SLC12A9: variants seen among roughly 807,000 people sequenced by gnomAD.
SLC12A9 encodes the protein CCC-interacting protein 1.
In SLC12A9, 55 loss-of-function variants were observed where a neutral mutation model predicts 66.0. The ratio of observed to expected loss-of-function variants is 0.83; its 90% CI spans 0.67 to 1.04. SLC12A9 has a LOEUF of 1.04. Ranked by LOEUF, SLC12A9 falls within the 50% of genes least tolerant of loss-of-function variation. SLC12A9 has a pLI of 0.00. For synonymous variants in SLC12A9, 577 were observed against 569.0 expected (o/e 1.01, Z -0.20); for missense variants, 1,061 against 1,241.9 (o/e 0.85, Z 2.19).
rs549419150 is a variant in SLC12A9, at chr7:100,826,962, C to G, written n.143C>G. On this transcript the variant is annotated non_coding_transcript_exon_variant, in exon 1 of 2. Coordinates refer to the SLC12A9 transcript ENST00000461016. ...CCAGGAGTGACGGGGTGCGCCCCCC[C>G]CCGCAAGGAAACTCACCTTCCAAAG... 380 of 1,527,348 alleles carry G rather than the reference C, an allele frequency of 2.5e-4. 2 individuals carry two copies. Among genetic ancestry groups the G allele is most frequent in the Middle Eastern group, 3.4e-4 (2 of 5,842 alleles). 94.6% of individuals were successfully genotyped at this position (1,527,348 alleles called of 1,614,324 possible).
chr7:100,829,801 G>T (rs1251324787), intron 1 of SLC12A9, among the ~76,000 whole-genome samples: 1 of 152,158 alleles, frequency 6.6e-6, no homozygotes, highest in Non-Finnish European at 1.5e-5. Flanking sequence ...GGCCGAGGCG[G>T]GTGGATCACT....
intron 1 of SLC12A9, among the ~76,000 whole-genome samples, chr7:100,834,551 G>A (rs887566219): frequency 2.6e-5 from 4 of 152,076 alleles, no homozygotes; most frequent in African/African-American, 9.7e-5. Flanking sequence ...GTGTGTGTTG[G>A]GGGGGATGGT....
In SLC12A9 at chr7:100,866,036, G is replaced by T; in HGVS notation, c.2176G>T (p.Val726Leu). ...GGTSQLHHVD[V>L]WPLNLLRPRG... ...CACCTCTCAGCTGCACCATGTGGAC[G>T]TGTGGCCCCTCAACCTGCTGCGGCC... Residue 726 changes from valine (V) to leucine (L), a missense_variant, in exon 14 of 14, where the codon GTG becomes TTG. Transcript: ENST00000354161. This position sits in a 1 kb window ranked among gnomAD's most constrained non-coding sequence, Gnocchi z 7.3. 1 of 1,612,800 alleles carries T rather than the reference G, an allele frequency of 6.2e-7. No individual in the cohort carries two copies. The highest frequency in any genetic ancestry group is 8.5e-7 in the Non-Finnish European group (1 of 1,179,856).
At chr7:100,856,512 C>CT (rs1407563643) in intron 4 of SLC12A9, 8 of 99,824 alleles carry the variant, frequency 8.0e-5, no homozygotes, top group African/African-American at 2.3e-4. Context: ...CCTGCCCCTT[C>CT]TTCTTTTTTT....
chr7:100,841,745 A>G (rs1403765662), intron 1 of SLC12A9, among the ~76,000 whole-genome samples: 1 of 152,196 alleles, frequency 6.6e-6, no homozygotes, highest in Non-Finnish European at 1.5e-5. Context: ...CTTATCTGGT[A>G]TGAAAATCAT....
intron 1 of SLC12A9, among the ~76,000 whole-genome samples, chr7:100,841,092 TA>T (rs1251193977): frequency 1.3e-5 from 2 of 152,118 alleles, no homozygotes; most frequent in African/African-American, 2.4e-5. Context: ...TTTTTTTCCT[TA>T]GGGGGTGGAA....
chr7:100,863,341 C>T (rs1450446978), intron 13 of SLC12A9, among the ~76,000 whole-genome samples: 5 of 151,922 alleles, frequency 3.3e-5, no homozygotes, highest in Admixed American at 2.0e-4. Context: ...GCTGGGATTA[C>T]AGGCATGTAC....
At chr7:100,858,786 C>T (rs1304490768) in intron 5 of SLC12A9, 49 bp from the exon 6 acceptor site, 2 of 1,587,732 alleles carry the variant, frequency 1.3e-6, no homozygotes, top group Non-Finnish European at 8.6e-7. Context: ...AGGCCTGGAT[C>T]CCTGAGACGG....
At chr7:100,848,714 G>A (rs1308977995), upstream of SLC12A9, among the ~76,000 whole-genome samples, 12 of 151,576 alleles carry the variant, frequency 7.9e-5, no homozygotes, top group Non-Finnish European at 1.6e-4. Flanking sequence ...GTGAAACCCC[G>A]TCTCCACTAA....
intron 13 of SLC12A9, among the ~76,000 whole-genome samples, chr7:100,863,041 T>A (rs954747806): frequency 6.6e-5 from 10 of 151,464 alleles, no homozygotes; most frequent in Non-Finnish European, 1.2e-4. Context: ...TGGGCGATGT[T>A]GTGGGTTTTT....
chr7:100,861,819 A>AC lies in SLC12A9; in HGVS notation c.1624dup (p.Arg542ProfsTer14). On this transcript the variant is annotated frameshift_variant, in exon 12 of 14. Coordinates refer to ENST00000354161, the MANE Select transcript of SLC12A9 (RefSeq NM_020246.4). LOFTEE classifies it high-confidence loss of function. This position sits in a 1 kb window ranked among gnomAD's most constrained non-coding sequence, Gnocchi z 5.3. The stretch of plus-strand genomic sequence containing the variant: ...CCCCAGCTGCTGCTCCTGGTGGGGA[A>AC]CCCCCGGGGCGCCCTGCCTCTGCTG... The AC allele has an allele frequency of 6.2e-7, 1 of 1,613,028 alleles. No individual in the cohort carries two copies. Among genetic ancestry groups the AC allele is most frequent in the Non-Finnish European group, 8.5e-7 (1 of 1,179,748 alleles).
chr7:100,854,912 C>A (rs1358188176), intron 3 of SLC12A9, among the ~76,000 whole-genome samples, 158 bp downstream of exon 3: 1 of 151,964 alleles, frequency 6.6e-6, no homozygotes, highest in Non-Finnish European at 1.5e-5. Context: ...ATCTGTAATC[C>A]CAGCACTTTG....
Position 100,861,533 on chromosome 7 carries a change from A to G in SLC12A9, c.1485A>G (p.Arg495=). 6.2e-7 allele frequency: 1 copy of G among 1,613,648 alleles called. No individual in the cohort carries two copies. The highest frequency in any genetic ancestry group is 8.5e-7 in the Non-Finnish European group (1 of 1,179,990). Residue 495 remains arginine, a synonymous_variant, in exon 11 of 14, where the codon CGA becomes CGG. Transcript: ENST00000354161. This position sits in a 1 kb window ranked among gnomAD's most constrained non-coding sequence, Gnocchi z 5.3. The part of the protein sequence containing the change: ...MGLLAALLTA[R]GGPSSWGYVS... ...TGCTGGCTGCCCTGCTCACCGCGCGAGGAGGCCCCAGTAGCTGGGGCTATG... is the reference window on the plus strand; with the variant it reads ...TGCTGGCTGCCCTGCTCACCGCGCGGGGAGGCCCCAGTAGCTGGGGCTATG...
intron 5 of SLC12A9, chr7:100,858,623 T>G (rs1251734016): frequency 1.8e-5 from 9 of 509,402 alleles, no homozygotes; most frequent in East Asian, 3.4e-5. Flanking sequence ...AGAGCGTGGA[T>G]TAGGGTCTGG....
intron 1 of SLC12A9, among the ~76,000 whole-genome samples, chr7:100,836,947 G>C (rs190676036): frequency 6.6e-6 from 1 of 152,200 alleles, no homozygotes; most frequent in South Asian, 2.1e-4. Flanking sequence ...AGATCTCCTT[G>C]TCCCGAAGGG....
In SLC12A9 at chr7:100,857,303, G is replaced by C. The variant is rs916045688; in HGVS notation, c.757+127G>C. On this transcript the variant is annotated intron_variant, in intron 5 of 13. Coordinates refer to ENST00000354161, the MANE Select transcript of SLC12A9 (RefSeq NM_020246.4). Reference sequence around the variant, plus strand: ...TGGAGGGCAGGAGGTCTGGACTGCAGAGCAGTGCAATTTAATTCAAGCCTG... The same window carrying C: ...TGGAGGGCAGGAGGTCTGGACTGCACAGCAGTGCAATTTAATTCAAGCCTG... 8.5e-6 allele frequency: 9 copies of C among 1,055,136 alleles called. No homozygotes were observed. In the African/African-American group the frequency reaches 1.4e-4, roughly 17 times the overall value. The allele number at this position is 1,055,136 out of a possible 1,614,324, so 65.4% of individuals were successfully genotyped here.
intron 1 of SLC12A9, chr7:100,827,123 T>G (rs2116474566): frequency 7.2e-7 from 1 of 1,385,610 alleles, no homozygotes; most frequent in South Asian, 1.3e-5. Flanking sequence ...ACGCCGATAC[T>G]CCGCGCGGGA....
Position 100,866,763 on chromosome 7 carries a change from G to C in SLC12A9, c.*158G>C. 1 of 752,572 alleles carries C rather than the reference G, an allele frequency of 1.3e-6. No homozygotes were observed. The highest frequency in any genetic ancestry group is 2.0e-6 in the Non-Finnish European group (1 of 499,496). 46.6% of individuals were successfully genotyped at this position (752,572 alleles called of 1,614,324 possible). A position where few individuals can be genotyped will look rare whatever the true frequency, so the allele number is the denominator to read the frequency against. ...AGGGGATCCTGGGCTTGGGCATCAC[G>C]CCCACCTCCTTTGGCAGAGGGACCC... On this transcript the variant is annotated 3_prime_UTR_variant, in exon 14 of 14. Coordinates refer to ENST00000354161, the MANE Select transcript of SLC12A9 (RefSeq NM_020246.4). This position sits in a 1 kb window ranked among gnomAD's most constrained non-coding sequence, Gnocchi z 7.3.
At chr7:100,859,724 A>C in intron 7 of SLC12A9, 161 bp from the exon 8 acceptor site, 1 of 855,144 alleles carries the variant, frequency 1.2e-6, no homozygotes, top group South Asian at 1.9e-5. Flanking sequence ...AAAAAAAGGA[A>C]GGAATGACCA....
Sources: gnomAD v4.1 joint callset for allele counts (sites outside exome capture counted in the v4.1 genomes callset) on GRCh38, gnomAD v4.1.1 for gene constraint, Gnocchi (gnomAD v3.1) non-coding constraint, MANE v1.5 for transcripts, NCBI Gene and HGNC (gene_info 2026-07-23, HGNC 2026-07-21) for gene names.